Variants in CHUK observed in about 807,000 individuals in gnomAD.
The protein encoded by CHUK is component of inhibitor of nuclear factor kappa B kinase complex, also known as inhibitor of nuclear factor kappa-B kinase subunit alpha.
Under a neutral mutation model 104.8 loss-of-function variants are expected in CHUK, and 35 were observed. The observed-to-expected ratio is 0.33, with a 90% CI of 0.26 to 0.44. CHUK has a LOEUF of 0.44. Among genes scored for constraint, CHUK ranks in the 20% least tolerant of loss-of-function variants. CHUK has a pLI of 1.00. For missense variants in CHUK, 663 were observed against 902.7 expected, an observed-to-expected ratio of 0.73 and a Z score of 3.40; for synonymous variants, 276 against 291.9, an observed-to-expected ratio of 0.95 and a Z score of 0.56.
intron 1 of CHUK, 43 bp downstream of exon 1, chr10:100,229,385 G>GCCGCT (rs1197741763): frequency 7.0e-7 from 1 of 1,433,676 alleles, no homozygotes; most frequent in Admixed American, 1.7e-5. Flanking sequence ...CAAACCCACC[G>GCCGCT]CCGCTCCAAC....
intron 2 of CHUK, among the ~76,000 whole-genome samples, chr10:100,224,684 G>T (rs758682511): frequency 6.6e-6 from 1 of 151,334 alleles, no homozygotes; most frequent in African/African-American, 2.4e-5. Flanking sequence ...TAATCCATCC[G>T]CCTTGGCCTC....
In CHUK at chr10:100,229,283, T is replaced by C. The variant is rs1846180434; in HGVS notation, c.105+145A>G. ...ACAGGCATAGTATCTTTCTCTCTAA[T>C]ACACACACACAAGCCCACTGGCCCC... On this transcript the variant is annotated intron_variant, in intron 1 of 20. Coordinates refer to ENST00000370397, the MANE Select transcript of CHUK (RefSeq NM_001278.5). 3.2e-5 allele frequency: 22 copies of C among 697,328 alleles called. No individual in the cohort carries two copies. In the South Asian group the frequency reaches 3.4e-4, roughly 11 times the overall value. The allele number at this position is 697,328 out of a possible 1,614,324, so 43.2% of individuals were successfully genotyped here. A position where few individuals can be genotyped will look rare whatever the true frequency, so the allele number is the denominator to read the frequency against.
In CHUK at chr10:100,194,126, A is replaced by T; in HGVS notation, c.1832T>A (p.Leu611Ter). 6.2e-7 allele frequency: 1 copy of T among 1,613,426 alleles called. No homozygotes were observed. Among genetic ancestry groups the T allele is most frequent in the Non-Finnish European group, 8.5e-7 (1 of 1,179,942 alleles). ...LKELFGHLSKLLGCKQKIIDL... is the reference protein window; with the variant it reads ...LKELFGHLSK ...AATAATCTTCTGCTTACAGCCCAAC[A>T]ACTTGCTGGAGAGATTAAATCAGTG... The change falls in exon 18 of 21, where the codon TTG becomes TAG. Residue 611 changes from leucine (L) to a stop codon, truncating the protein, a stop_gained. Coordinates refer to ENST00000370397, the MANE Select transcript of CHUK (RefSeq NM_001278.5). LOFTEE classifies it high-confidence loss of function.
Position 100,217,870 on chromosome 10 carries a change from C to T in CHUK, c.933+125G>A, listed in dbSNP as rs766568177. 1.0e-4 allele frequency: 109 copies of T among 1,044,642 alleles called. 3 individuals carry two copies. Among genetic ancestry groups the T allele is most frequent in the Non-Finnish European group, 3.0e-5 (21 of 695,822 alleles). 64.7% of individuals were successfully genotyped at this position (1,044,642 alleles called of 1,614,324 possible). ...CCAGCCTAGGTGACAGAGTGAGACC[C>T]TGTCTCAAAATAAATAAATAAATAA... On this transcript the variant is annotated intron_variant, in intron 9 of 20. Transcript: ENST00000370397.
chr10:100,207,768 G>A (rs989524612), intron 10 of CHUK, among the ~76,000 whole-genome samples: 2 of 152,074 alleles, frequency 1.3e-5, no homozygotes, highest in Admixed American at 6.6e-5. Context: ...TCCTGGGGTG[G>A]ACAGAATGGA....
At chr10:100,228,264 C>T (rs1451358312) in intron 1 of CHUK, among the ~76,000 whole-genome samples, 1 of 152,180 alleles carries the variant, frequency 6.6e-6, no homozygotes, top group African/African-American at 2.4e-5. Flanking sequence ...TTTAGGAAGG[C>T]ACGAACCTCT....
At chr10:100,218,174 C>T (rs1273376260) in intron 8 of CHUK, 44 bp from the exon 9 acceptor site, 2 of 1,548,524 alleles carry the variant, frequency 1.3e-6, no homozygotes, top group East Asian at 4.5e-5. Context: ...TCATTATGTT[C>T]CAATTTCCCT....
rs1292813026 is a variant in CHUK at position 100,218,898 on chromosome 10, T to C, written c.690-73A>G. ...TAAGATTTCTTGCCATTTAATTATATTTAATTGTATATTTCAAAGGCAATT... is the reference window on the plus strand; with the variant it reads ...TAAGATTTCTTGCCATTTAATTATACTTAATTGTATATTTCAAAGGCAATT... On this transcript the variant is annotated intron_variant, in intron 7 of 20. Transcript: ENST00000370397. 2.0e-6 allele frequency: 3 copies of C among 1,519,990 alleles called. No individual in the cohort carries two copies. In the African/African-American group the frequency reaches 4.1e-5, roughly 21 times the overall value. The allele number at this position is 1,519,990 out of a possible 1,614,324, so 94.2% of individuals were successfully genotyped here. A position where few individuals can be genotyped will look rare whatever the true frequency, so the allele number is the denominator to read the frequency against.
At chr10:100,218,850 T>G in intron 7 of CHUK, 25 bp from the exon 8 acceptor site, 1 of 1,574,422 alleles carries the variant, frequency 6.4e-7, no homozygotes, top group Non-Finnish European at 8.7e-7. Flanking sequence ...GCTACCTCAG[T>G]TGACAAAGTG....
chr10:100,202,803 AC>A (rs1340694325), intron 13 of CHUK, among the ~76,000 whole-genome samples: 2 of 152,100 alleles, frequency 1.3e-5, no homozygotes, highest in African/African-American at 4.8e-5. Context: ...TCACTCTGTC[AC>A]CCAGGCTGGA....
Position 100,225,967 on chromosome 10 carries a change from G to T in CHUK, c.156C>A (p.Thr52=). The change falls in exon 2 of 21, where the codon ACC becomes ACA. Residue 52 remains threonine (T), a synonymous_variant. Transcript: ENST00000370397. ...AIKSCRLELS[T]KNRERWCHEI... ...CATGGCACCATCGTTCTCTGTTTTT[G>T]GTACTTAGCTCTAGGCGACAAGACT... 1 of 1,609,730 alleles carries T rather than the reference G, an allele frequency of 6.2e-7. No individual in the cohort carries two copies. Among genetic ancestry groups the T allele is most frequent in the Non-Finnish European group, 8.5e-7 (1 of 1,176,312 alleles).
intron 16 of CHUK, among the ~76,000 whole-genome samples, chr10:100,197,002 T>C (rs1845348214): frequency 6.6e-6 from 1 of 152,160 alleles, no homozygotes; most frequent in Non-Finnish European, 1.5e-5. Context: ...CTCCACAGGC[T>C]TTTTTGGCCC....
At chr10:100,199,941 C>G in intron 16 of CHUK, 30 bp downstream of exon 16, 1 of 1,534,544 alleles carries the variant, frequency 6.5e-7, no homozygotes, top group African/African-American at 1.4e-5. Context: ...ACCTAAAATG[C>G]CTTCAAGCAC....
At chr10:100,192,772 C>G (rs1274550634) in intron 19 of CHUK, 1 of 980,352 alleles carries the variant, frequency 1.0e-6, no homozygotes, top group Non-Finnish European at 1.2e-6. Context: ...GGCTTGGAAT[C>G]TGAGTTCTTG....
intron 1 of CHUK, among the ~76,000 whole-genome samples, chr10:100,228,965 T>C (rs942160037): frequency 1.4e-5 from 2 of 147,478 alleles, no homozygotes; most frequent in Middle Eastern, 3.5e-3. Flanking sequence ...ACTGATATCA[T>C]ATGGCCTCCA....
intron 2 of CHUK, among the ~76,000 whole-genome samples, 175 bp from the exon 3 acceptor site, chr10:100,223,155 C>T (rs1438100172): frequency 6.6e-6 from 1 of 152,020 alleles, no homozygotes; most frequent in Non-Finnish European, 1.5e-5. Flanking sequence ...TAAAAGAAAA[C>T]ACACATAAAA....
intron 9 of CHUK, among the ~76,000 whole-genome samples, chr10:100,211,829 A>C (rs1233323844): frequency 1.3e-5 from 2 of 152,168 alleles, no homozygotes; most frequent in Non-Finnish European, 2.9e-5. Context: ...CCTGCTTTAA[A>C]ATCCTTTGGA....
At chr10:100,193,680 A>C (rs1031709391) in intron 18 of CHUK, 1 of 600,358 alleles carries the variant, frequency 1.7e-6, no homozygotes, top group Non-Finnish European at 2.9e-6. Context: ...GAAAAAAAAA[A>C]CCCAGTTGAA....
intron 9 of CHUK, among the ~76,000 whole-genome samples, chr10:100,210,592 C>T (rs1301225983): frequency 6.6e-6 from 1 of 152,220 alleles, no homozygotes; most frequent in Admixed American, 6.5e-5. Flanking sequence ...CAGCTAATAA[C>T]TGGTAGAGCT....
Sources: gnomAD v4.1 joint callset for allele counts (sites outside exome capture counted in the v4.1 genomes callset) on GRCh38, gnomAD v4.1.1 for gene constraint, MANE v1.5 for transcripts, NCBI Gene and HGNC (gene_info 2026-07-23, HGNC 2026-07-21) for gene names.